Variants in TCF7L1 observed in about 807,000 individuals in gnomAD.
TCF7L1 encodes transcription factor 7 like 1.
In TCF7L1, 18 loss-of-function variants were observed where a neutral mutation model predicts 63.7. The ratio of observed to expected loss-of-function variants is 0.28; its 90% CI spans 0.20 to 0.42. The LOEUF is 0.42. Among genes scored for constraint, TCF7L1 ranks in the 10% least tolerant of loss-of-function variants. TCF7L1 has a pLI of 1.00. For missense variants in TCF7L1, 654 were observed against 779.3 expected (o/e 0.84, Z 1.91); for synonymous variants, 355 against 340.9 (o/e 1.04, Z -0.46).
At chr2:85,136,253 T>C (rs978515823) in intron 3 of TCF7L1, among the ~76,000 whole-genome samples, 14 of 152,204 alleles carry the variant, frequency 9.2e-5, no homozygotes, top group Non-Finnish European at 2.1e-4. Flanking sequence ...CATTTCTCTT[T>C]AGGGCATTTT....
chr2:85,261,489 C>T (rs571812074), intron 3 of TCF7L1, among the ~76,000 whole-genome samples: 2 of 152,272 alleles, frequency 1.3e-5, no homozygotes, highest in South Asian at 4.1e-4. Context: ...TACATGATTC[C>T]ACCAGCAAGC....
chr2:85,165,350 T>C (rs973666815), intron 3 of TCF7L1, among the ~76,000 whole-genome samples: 9 of 149,364 alleles, frequency 6.0e-5, no homozygotes, highest in African/African-American at 1.9e-4. Flanking sequence ...GGTGATTAGG[T>C]AGAAGCTTTT....
rs138854365 is a variant in TCF7L1, at chr2:85,254,694, C to G, written c.442-28801C>G. 2.8e-3 allele frequency among the ~76,000 whole-genome samples: 425 copies of G among 152,314 alleles called. 2 individuals carry two copies. Among genetic ancestry groups the G allele is most frequent in the African/African-American group, 9.6e-3 (401 of 41,562 alleles). On this transcript the variant is annotated intron_variant, in intron 3 of 11. Transcript: ENST00000282111. ...CTGGTTTCTGTTTCCGTTGGGGGCT[C>G]TATTCTCACTCCTACCCAAATAGCC...
At chr2:85,162,145 G>T (rs901295523) in intron 3 of TCF7L1, among the ~76,000 whole-genome samples, 1 of 152,076 alleles carries the variant, frequency 6.6e-6, no homozygotes, top group South Asian at 2.1e-4. Context: ...TGAGGCAGGA[G>T]GGTTGCTTGA....
rs1217020917 is a variant in TCF7L1, at chr2:85,222,364, C to CA, written c.442-61120dup. Among the ~76,000 whole-genome samples, 957 of 105,930 alleles carry CA rather than the reference C, an allele frequency of 9.0e-3. 8 individuals carry two copies. Among genetic ancestry groups the CA allele is most frequent in the South Asian group, 0.045 (137 of 3,068 alleles). The allele number at this position is 105,930 out of a possible 152,430, so 69.5% of individuals were successfully genotyped here. On this transcript the variant is annotated intron_variant, in intron 3 of 11. Coordinates refer to ENST00000282111, the MANE Select transcript of TCF7L1 (RefSeq NM_031283.3). ...TCAAAAAAAAAAACAAACAAACAAA[C>CA]AAAAAAAAAAACACTAAAGGCTTGG...
At chr2:85,222,355 A>G (rs75555032) in intron 3 of TCF7L1, among the ~76,000 whole-genome samples, 1 of 143,062 alleles carries the variant, frequency 7.0e-6, no homozygotes, top group African/African-American at 2.6e-5. Flanking sequence ...AAAAAAACAA[A>G]CAAACAAACA....
At chr2:85,175,608 A>G (rs1385832524) in intron 3 of TCF7L1, among the ~76,000 whole-genome samples, 3 of 152,232 alleles carry the variant, frequency 2.0e-5, no homozygotes, top group Admixed American at 6.5e-5. Context: ...TGATTTCCCG[A>G]TGGATCAGGT....
At chr2:85,261,726 T>TA (rs34335132) in intron 3 of TCF7L1, among the ~76,000 whole-genome samples, 14 of 150,294 alleles carry the variant, frequency 9.3e-5, no homozygotes, top group African/African-American at 2.2e-4. Context: ...TCCCATCTGT[T>TA]AAAAAAAAAA....
At chr2:85,159,291 C>A (rs1054758078) in intron 3 of TCF7L1, among the ~76,000 whole-genome samples, 2 of 152,108 alleles carry the variant, frequency 1.3e-5, no homozygotes, top group East Asian at 3.9e-4. Flanking sequence ...GGTGCCCAGG[C>A]GCCCGGGGCT....
intron 3 of TCF7L1, among the ~76,000 whole-genome samples, chr2:85,189,849 G>A (rs1052707005): frequency 1.3e-5 from 2 of 152,156 alleles, no homozygotes; most frequent in Non-Finnish European, 2.9e-5. Context: ...GCGCCCACTC[G>A]GCCTGCCTCC....
intron 3 of TCF7L1, among the ~76,000 whole-genome samples, chr2:85,235,872 C>T (rs1254168032): frequency 6.6e-6 from 1 of 151,770 alleles, no homozygotes; most frequent in South Asian, 2.1e-4. Flanking sequence ...AAATAAAAAC[C>T]CACCAGGCTG....
intron 3 of TCF7L1, among the ~76,000 whole-genome samples, chr2:85,241,892 G>C (rs1462985023): frequency 6.6e-6 from 1 of 152,036 alleles, no homozygotes; most frequent in African/African-American, 2.4e-5. Context: ...CTGTCTGTTG[G>C]ACTCTATTTG....
intron 3 of TCF7L1, among the ~76,000 whole-genome samples, chr2:85,158,652 A>G (rs1678210323): frequency 6.6e-6 from 1 of 152,210 alleles, no homozygotes; most frequent in South Asian, 2.1e-4. Context: ...TTTGGAAAAA[A>G]ACTCCCGGGA....
chr2:85,237,072 G>T (rs967798020), intron 3 of TCF7L1, among the ~76,000 whole-genome samples: 17 of 152,146 alleles, frequency 1.1e-4, no homozygotes, highest in African/African-American at 4.1e-4. Context: ...GACCTTTCTG[G>T]TTGGGTTTTC....
At position 85,309,072 on chromosome 2, in the gene TCF7L1, G is replaced by GC. The variant is rs778046248; in HGVS notation, c.1383dup (p.Glu462ArgfsTer5). On this transcript the variant is annotated frameshift_variant, in exon 12 of 12. Transcript: ENST00000282111. LOFTEE classifies it high-confidence loss of function. The stretch of plus-strand genomic sequence containing the variant: ...GCAAGAAGCCATGTGTTCAGTACCT[G>GC]CCCCCCGAGAAGCCCTGTGACAGCC... 5.6e-6 allele frequency: 9 copies of GC among 1,611,968 alleles called. No homozygotes were observed. Among genetic ancestry groups the GC allele is most frequent in the Admixed American group, 1.7e-5 (1 of 59,786 alleles).
At chr2:85,193,219 A>G (rs1679078951) in intron 3 of TCF7L1, among the ~76,000 whole-genome samples, 1 of 152,144 alleles carries the variant, frequency 6.6e-6, no homozygotes, top group African/African-American at 2.4e-5. Flanking sequence ...CAGAGGGCCA[A>G]GTGACTTGTC....
At chr2:85,173,743 CT>C (rs34729115) in intron 3 of TCF7L1, among the ~76,000 whole-genome samples, 2 of 150,048 alleles carry the variant, frequency 1.3e-5, no homozygotes, top group Admixed American at 6.6e-5. Flanking sequence ...AGAATTCATT[CT>C]TTTTTTTTCT....
chr2:85,215,074 G>A (rs1679664806), intron 3 of TCF7L1, among the ~76,000 whole-genome samples: 1 of 152,170 alleles, frequency 6.6e-6, no homozygotes, highest in African/African-American at 2.4e-5. Flanking sequence ...ACCAGAGTCT[G>A]TCCATCCCTC....
chr2:85,141,443 G>C (rs186822252), intron 3 of TCF7L1, among the ~76,000 whole-genome samples: 46 of 152,264 alleles, frequency 3.0e-4, no homozygotes, highest in Admixed American at 2.6e-3. Flanking sequence ...CTCCCCCTCA[G>C]CTGGAACCCC....
Sources: gnomAD v4.1 joint callset for allele counts (sites outside exome capture counted in the v4.1 genomes callset) on GRCh38, gnomAD v4.1.1 for gene constraint, MANE v1.5 for transcripts, NCBI Gene and HGNC (gene_info 2026-07-23, HGNC 2026-07-21) for gene names.